GRHL3: variants seen among roughly 807,000 people sequenced by gnomAD.
The protein encoded by GRHL3 is grainyhead like transcription factor 3, also known as grainyhead-like protein 3 homolog.
In GRHL3, 20 loss-of-function variants were observed where a neutral mutation model predicts 70.3. The observed-to-expected ratio is 0.28, with a 90% CI of 0.20 to 0.41. The LOEUF is 0.41. Among genes scored for constraint, GRHL3 ranks in the 10% least tolerant of loss-of-function variants. The probability of loss-of-function intolerance (pLI) is 1.00; values close to 1 mark genes in which losing one functional copy is unlikely to be tolerated. For synonymous variants in GRHL3, 299 were observed against 299.9 expected (o/e 1.00, Z 0.03); for missense variants, 637 against 762.3 (o/e 0.84, Z 1.94).
intron 8 of GRHL3, among the ~76,000 whole-genome samples, 178 bp downstream of exon 8, chr1:24,339,940 G>A (rs950325815): frequency 2.6e-5 from 4 of 152,196 alleles, no homozygotes; most frequent in South Asian, 2.1e-4. Flanking sequence ...GGCTGGGTCC[G>A]CATCCCACCC....
At chr1:24,324,030 G>A (rs555275225) in intron 1 of GRHL3, among the ~76,000 whole-genome samples, 1 of 152,306 alleles carries the variant, frequency 6.6e-6, no homozygotes, top group South Asian at 2.1e-4. Context: ...CTCAGTGAAT[G>A]TTTGTTGAGT....
chr1:24,320,211 G>T (rs991321816), intron 1 of GRHL3, among the ~76,000 whole-genome samples: 1 of 152,234 alleles, frequency 6.6e-6, no homozygotes, highest in Non-Finnish European at 1.5e-5. Flanking sequence ...TGTGATAAAT[G>T]CTGTAAAATG....
intron 12 of GRHL3, among the ~76,000 whole-genome samples, chr1:24,345,556 GAA>G (rs150733539): frequency 0.041 from 6,279 of 152,166 alleles, 406 homozygotes; most frequent in African/African-American, 0.14. Flanking sequence ...AAAGGGAAAG[GAA>G]AAGAGTCTGT....
intron 1 of GRHL3, among the ~76,000 whole-genome samples, chr1:24,324,817 C>G (rs1029541669): frequency 6.6e-6 from 1 of 152,142 alleles, no homozygotes; most frequent in Non-Finnish European, 1.5e-5. Context: ...ACTCCCATAA[C>G]GATGAGTTCA....
downstream of GRHL3, among the ~76,000 whole-genome samples, chr1:24,358,798 A>T (rs115184896): frequency 3.3e-4 from 51 of 152,356 alleles, no homozygotes; most frequent in Non-Finnish European, 5.0e-4. Context: ...TAACTGGCCC[A>T]GGGGAAGTCA....
At chr1:24,348,340 C>A (rs1355614633) in intron 14 of GRHL3, among the ~76,000 whole-genome samples, 2 of 152,220 alleles carry the variant, frequency 1.3e-5, no homozygotes, top group African/African-American at 4.8e-5. Flanking sequence ...AAGGACACAG[C>A]CTCCGAGAGG....
At position 24,353,477 on chromosome 1, in the gene GRHL3, A is replaced by T. The variant is rs115703796; in HGVS notation, c.1695-897A>T. On this transcript the variant is annotated intron_variant, in intron 15 of 15. Coordinates refer to ENST00000361548, the MANE Select transcript of GRHL3 (RefSeq NM_198173.3). The stretch of plus-strand genomic sequence containing the variant: ...CAGGTAGGTGTGTGTGTGGGTGTGT[A>T]GTAGAGGGTAGATGGGGGTGTGTAT... Among the ~76,000 whole-genome samples, 628 of 128,038 alleles carry T rather than the reference A, an allele frequency of 4.9e-3. 4 individuals are homozygous for T. The highest frequency in any genetic ancestry group is 0.017 in the African/African-American group (592 of 33,846). The allele number at this position is 128,038 out of a possible 152,430, so 84.0% of individuals were successfully genotyped here. A position where few individuals can be genotyped will look rare whatever the true frequency, so the allele number is the denominator to read the frequency against.
At chr1:24,350,430 T>A (rs1640459172) in intron 15 of GRHL3, among the ~76,000 whole-genome samples, 1 of 152,164 alleles carries the variant, frequency 6.6e-6, no homozygotes, top group Non-Finnish European at 1.5e-5. Context: ...CATTTGATTA[T>A]AAAGATAATG....
chr1:24,351,931 A>G (rs1569926372), intron 15 of GRHL3, among the ~76,000 whole-genome samples: 1 of 152,158 alleles, frequency 6.6e-6, no homozygotes, highest in East Asian at 1.9e-4. Context: ...TGAGTTAGGA[A>G]CTGGCAGAAG....
intron 12 of GRHL3, among the ~76,000 whole-genome samples, chr1:24,345,813 G>C (rs184791408): frequency 6.6e-6 from 1 of 152,212 alleles, no homozygotes; most frequent in Non-Finnish European, 1.5e-5. Flanking sequence ...AAACAGCCTC[G>C]AGAGGGTGAG....
intron 3 of GRHL3, among the ~76,000 whole-genome samples, chr1:24,335,029 AC>A (rs1639743470): frequency 7.3e-6 from 1 of 137,634 alleles, no homozygotes; most frequent in Non-Finnish European, 1.5e-5. Flanking sequence ...ACACACACAC[AC>A]ACACACACAC....
At chr1:24,332,980 G>T (rs189221993) in intron 2 of GRHL3, among the ~76,000 whole-genome samples, 1 of 152,180 alleles carries the variant, frequency 6.6e-6, no homozygotes, top group Non-Finnish European at 1.5e-5. Flanking sequence ...TTGGCTTGGG[G>T]CCATGGTAGG....
intron 1 of GRHL3, chr1:24,323,239 T>C: frequency 1.5e-6 from 1 of 685,434 alleles, no homozygotes. Context: ...GTTCTCAAAC[T>C]GTGGTCCGTG....
At chr1:24,344,368 G>A (rs1046809957) in intron 11 of GRHL3, among the ~76,000 whole-genome samples, 3 of 151,692 alleles carry the variant, frequency 2.0e-5, no homozygotes, top group African/African-American at 7.3e-5. Flanking sequence ...GCACACACCT[G>A]TAATCCCAGC....
intron 1 of GRHL3, among the ~76,000 whole-genome samples, chr1:24,327,372 T>G (rs550073300): frequency 3.0e-4 from 46 of 152,332 alleles, no homozygotes; most frequent in African/African-American, 1.1e-3. Context: ...TGATTCCCAG[T>G]GCTCAGAAGA....
At chr1:24,338,470 C>G (rs1024004659) in intron 7 of GRHL3, among the ~76,000 whole-genome samples, 1 of 152,174 alleles carries the variant, frequency 6.6e-6, no homozygotes, top group African/African-American at 2.4e-5. Context: ...GGGAGCTGGG[C>G]GGGGGAAAGG....
At position 24,321,229 on chromosome 1, in the gene GRHL3, C is replaced by T. The variant is rs1239368223; in HGVS notation, c.17+1661C>T. ...AGAAAGGTTTCTTGCTTTTCTCCTC[C>T]CTAATGGTTTGGATTTGAAGTCAGA... On this transcript the variant is annotated intron_variant, in intron 1 of 15. Coordinates refer to ENST00000361548, the MANE Select transcript of GRHL3 (RefSeq NM_198173.3). This position sits in a 1 kb window ranked among gnomAD's most constrained non-coding sequence, Gnocchi z 4.0. Among the ~76,000 whole-genome samples the T allele has an allele frequency of 6.6e-6, 1 of 151,706 alleles. No homozygotes were observed. The highest frequency in any genetic ancestry group is 1.9e-4 in the East Asian group (1 of 5,202).
intron 7 of GRHL3, 54 bp downstream of exon 7, chr1:24,338,157 C>A: frequency 1.6e-6 from 2 of 1,212,670 alleles, no homozygotes; most frequent in Admixed American, 2.1e-5. Flanking sequence ...CCCACCCCCG[C>A]ATCAATCAGG....
intron 14 of GRHL3, among the ~76,000 whole-genome samples, chr1:24,349,704 A>G (rs575019039): frequency 8.5e-5 from 13 of 152,320 alleles, no homozygotes; most frequent in East Asian, 3.9e-4. Context: ...GCTCTTCAGG[A>G]TATTTTTCAG....
Sources: allele counts gnomAD v4.1 joint callset (sites outside exome capture counted in the v4.1 genomes callset), GRCh38; gene constraint gnomAD v4.1.1; non-coding constraint Gnocchi (gnomAD v3.1); transcripts MANE v1.5; gene names NCBI Gene and HGNC (gene_info 2026-07-23, HGNC 2026-07-21).